Variants in CFAP54 observed in about 807,000 individuals in gnomAD.
The protein encoded by CFAP54 is cilia- and flagella-associated protein 54.
A neutral mutation model predicts 370.4 loss-of-function variants in CFAP54; 290 were observed. The observed-to-expected ratio is 0.78, with a 90% CI of 0.71 to 0.86. CFAP54 has a LOEUF of 0.86. Among genes scored for constraint, CFAP54 ranks in the 40% least tolerant of loss-of-function variants. CFAP54 has a pLI of 0.00. For missense variants in CFAP54, 3,399 were observed against 3,528.7 expected, an observed-to-expected ratio of 0.96 and a Z score of 0.93; for synonymous variants, 1,206 against 1,236.5, an observed-to-expected ratio of 0.98 and a Z score of 0.52.
intron 46 of CFAP54, among the ~76,000 whole-genome samples, chr12:96,704,466 A>G (rs1357515397): frequency 2.3e-4 from 20 of 87,194 alleles, no homozygotes; most frequent in Non-Finnish European, 3.4e-4. Flanking sequence ...ATATATATAT[A>G]TATATATATA....
chr12:96,628,910 T>TA (rs1956573786), intron 30 of CFAP54, among the ~76,000 whole-genome samples: 1 of 142,168 alleles, frequency 7.0e-6, no homozygotes. Flanking sequence ...GGCTAGTACT[T>TA]ACGAAGAAAT....
intron 67 of CFAP54, among the ~76,000 whole-genome samples, chr12:96,866,105 C>CT (rs1281680362): frequency 6.6e-6 from 1 of 152,024 alleles, no homozygotes; most frequent in African/African-American, 2.4e-5. Flanking sequence ...TAAAATCCAT[C>CT]TATCATCCAT....
chr12:96,728,835 T>C lies in CFAP54; in HGVS notation c.6965+8270T>C, dbSNP rs1052569258. ...ATCTGCTTTGGGTCTTTGATGATGGTGATGTACAGATGGGTTTTTGGTGTG... is the reference window on the plus strand; with the variant it reads ...ATCTGCTTTGGGTCTTTGATGATGGCGATGTACAGATGGGTTTTTGGTGTG... On this transcript the variant is annotated intron_variant, in intron 50 of 67. Transcript: ENST00000524981. Among the ~76,000 whole-genome samples the C allele has an allele frequency of 6.3e-3, 961 of 152,260 alleles. 9 individuals are homozygous for C. The highest frequency in any genetic ancestry group is 0.022 in the African/African-American group (903 of 41,530).
Position 96,617,989 on chromosome 12 carries a change from C to CAAAAAAAA in CFAP54, c.3640-3598_3640-3591dup, listed in dbSNP as rs3055732. 8.5e-5 allele frequency among the ~76,000 whole-genome samples: 10 copies of CAAAAAAAA among 117,112 alleles called. 2 individuals carry two copies. The highest frequency in any genetic ancestry group is 8.6e-5 in the Non-Finnish European group (5 of 58,452). The allele number at this position is 117,112 out of a possible 152,430, so 76.8% of individuals were successfully genotyped here. A position where few individuals can be genotyped will look rare whatever the true frequency, so the allele number is the denominator to read the frequency against. On this transcript the variant is annotated intron_variant, in intron 26 of 67. Transcript: ENST00000524981. ...TGGGCAACAGAGCAAGACTTTGTCTCAAAAAAAAAAGGAATATATTTATCT... is the reference window on the plus strand; with the variant it reads ...TGGGCAACAGAGCAAGACTTTGTCTCAAAAAAAAAAAAAAAAAAGGAATATATTTATCT...
intron 32 of CFAP54, among the ~76,000 whole-genome samples, chr12:96,638,207 G>A (rs545797199): frequency 0.013 from 986 of 75,596 alleles, 11 homozygotes; most frequent in African/African-American, 0.046. Flanking sequence ...ATATATGCAT[G>A]TGTGTGTGTG....
Position 96,778,847 on chromosome 12 carries a change from C to T in CFAP54, c.8282-5870C>T, listed in dbSNP as rs117789948. 9.5e-3 allele frequency among the ~76,000 whole-genome samples: 1,445 copies of T among 152,094 alleles called. 54 individuals carry two copies. In the East Asian group the frequency reaches 0.1, roughly 11 times the overall value. On this transcript the variant is annotated intron_variant, in intron 60 of 67. Transcript: ENST00000524981. The stretch of plus-strand genomic sequence containing the variant: ...TCATGGCCGGGCGTGATGGCTCATG[C>T]CTATAATCCCAGCACATTGGGAGTC...
At chr12:96,793,522 G>A (rs1351966449) in intron 63 of CFAP54, among the ~76,000 whole-genome samples, 1 of 152,096 alleles carries the variant, frequency 6.6e-6, no homozygotes, top group African/African-American at 2.4e-5. Context: ...TCGTGTGCAA[G>A]TATTTTTTTT....
chr12:96,538,232 G>A (rs1177492661), intron 12 of CFAP54, among the ~76,000 whole-genome samples, 152 bp from the exon 13 acceptor site: 1 of 152,130 alleles, frequency 6.6e-6, no homozygotes, highest in East Asian at 1.9e-4. Context: ...AAAATGGGGA[G>A]GATCATACTA....
At position 96,743,773 on chromosome 12, in the gene CFAP54, C is replaced by T; in HGVS notation, c.7420C>T (p.Gln2474Ter). 1.2e-6 allele frequency: 2 copies of T among 1,611,466 alleles called. No homozygotes were observed. The highest frequency in any genetic ancestry group is 1.7e-6 in the Non-Finnish European group (2 of 1,179,228). The change falls in exon 54 of 68, where the codon CAA (glutamine) becomes TAA (stop). Residue 2474 changes from glutamine (Q) to a stop codon, truncating the protein, a stop_gained. Coordinates refer to ENST00000524981, the MANE Select transcript of CFAP54 (RefSeq NM_001306084.2). LOFTEE classifies it high-confidence loss of function. ...GGAAGGAAATGAATTTATTTCTCCT[C>T]AATCACGGCTAACCCTGGCAAGAAG... ...LLEGNEFISP[Q>*]SRLTLARSLV...
chr12:96,825,330 A>T (rs1379667875), intron 65 of CFAP54, among the ~76,000 whole-genome samples: 2 of 126,316 alleles, frequency 1.6e-5, no homozygotes, highest in African/African-American at 6.0e-5. Flanking sequence ...ATATTATATA[A>T]CATGTTATAT....
At chr12:96,764,074 C>A in intron 58 of CFAP54, 77 bp from the exon 59 acceptor site, 1 of 905,766 alleles carries the variant, frequency 1.1e-6, no homozygotes, top group Non-Finnish European at 1.7e-6. Context: ...CATAGCATTT[C>A]ACTAAAATGT....
intron 37 of CFAP54, 39 bp from the exon 38 acceptor site, chr12:96,658,172 T>A (rs1478257049): frequency 6.3e-7 from 1 of 1,585,982 alleles, no homozygotes; most frequent in Non-Finnish European, 8.6e-7. Context: ...GTCTTTTAAC[T>A]AATGTTTTCT....
chr12:96,817,752 A>G (rs745653789), intron 64 of CFAP54, 23 bp from the exon 65 acceptor site: 38 of 1,392,462 alleles, frequency 2.7e-5, no homozygotes, highest in Admixed American at 1.3e-4. Context: ...CAAATAAAAT[A>G]CATATATATT....
intron 25 of CFAP54, among the ~76,000 whole-genome samples, chr12:96,598,201 G>C (rs1190840546): frequency 6.6e-6 from 1 of 151,932 alleles, no homozygotes; most frequent in Non-Finnish European, 1.5e-5. Flanking sequence ...CCTGAGATAT[G>C]AATGTTTGGT....
chr12:96,648,781 G>A (rs962037736), intron 34 of CFAP54, among the ~76,000 whole-genome samples: 2 of 151,726 alleles, frequency 1.3e-5, no homozygotes, highest in Non-Finnish European at 2.9e-5. Flanking sequence ...GTAAAGACGG[G>A]GTTTCACTAT....
At chr12:96,562,763 C>G (rs1203104213) in intron 17 of CFAP54, among the ~76,000 whole-genome samples, 3 of 151,794 alleles carry the variant, frequency 2.0e-5, no homozygotes, top group Non-Finnish European at 4.4e-5. Context: ...TCCTTTTTTC[C>G]CCATCCTTTT....
rs1159047244 is a variant in CFAP54 at position 96,650,073 on chromosome 12, G to C, written c.4872+1G>C. 1 of 1,602,344 alleles carries C rather than the reference G, an allele frequency of 6.2e-7. No individual in the cohort carries two copies. The highest frequency in any genetic ancestry group is 1.7e-5 in the Admixed American group (1 of 57,528). On this transcript the variant is annotated splice_donor_variant, in intron 35 of 67. Transcript: ENST00000524981. LOFTEE classifies it high-confidence loss of function. ...CTTTTTATACTGCAGGAGAGCAATG[G>C]TAATGCAATCTTTCTTGTTTGCAGT...
chr12:96,835,748 A>G (rs1959184141), intron 66 of CFAP54, among the ~76,000 whole-genome samples: 1 of 152,086 alleles, frequency 6.6e-6, no homozygotes, highest in Admixed American at 6.6e-5. Flanking sequence ...TGCCTGTTCC[A>G]TGAAGTGGGA....
At chr12:96,735,030 A>G (rs2136632548) in intron 50 of CFAP54, among the ~76,000 whole-genome samples, 1 of 152,364 alleles carries the variant, frequency 6.6e-6, no homozygotes, top group African/African-American at 2.4e-5. Flanking sequence ...GTATGTATAC[A>G]CCTGGAAAAA....
Sources: allele counts gnomAD v4.1 joint callset (sites outside exome capture counted in the v4.1 genomes callset), GRCh38; gene constraint gnomAD v4.1.1; transcripts MANE v1.5; gene names NCBI Gene and HGNC (gene_info 2026-07-23, HGNC 2026-07-21).